PRKCA: variants seen among roughly 807,000 people sequenced by gnomAD.
The protein encoded by PRKCA is protein kinase C alpha type.
PRKCA carries 27 observed loss-of-function variants against 87.0 expected under a neutral mutation model. The observed-to-expected ratio is 0.31, with a 90% CI of 0.23 to 0.43. The LOEUF (loss-of-function observed/expected upper bound fraction) is 0.43, where lower values mean the gene tolerates loss of function less well. Ranked by LOEUF, PRKCA falls within the 20% of genes least tolerant of loss-of-function variation. The pLI, the probability that PRKCA is intolerant of heterozygous loss-of-function variation, is 1.00. For missense variants in PRKCA, 518 were observed against 852.3 expected (o/e 0.61, Z 4.88); for synonymous variants, 329 against 311.1 (o/e 1.06, Z -0.61).
chr17:66,508,898 C>T (rs1331379571), intron 3 of PRKCA, among the ~76,000 whole-genome samples: 1 of 152,040 alleles, frequency 6.6e-6, no homozygotes, highest in Non-Finnish European at 1.5e-5. Flanking sequence ...TTATCATCTT[C>T]CAAGGTTGGT....
intron 2 of PRKCA, among the ~76,000 whole-genome samples, chr17:66,491,025 G>C (rs1889066846): frequency 2.0e-5 from 3 of 152,198 alleles, no homozygotes; most frequent in Non-Finnish European, 4.4e-5. Flanking sequence ...TCACAAGATT[G>C]GGTGTTCTCA....
At chr17:66,745,552 G>T (rs1182827574) in intron 13 of PRKCA, among the ~76,000 whole-genome samples, 1 of 151,626 alleles carries the variant, frequency 6.6e-6, no homozygotes, top group Non-Finnish European at 1.5e-5. Flanking sequence ...GTGGTGGCAG[G>T]TGCCTGTAAT....
intron 8 of PRKCA, among the ~76,000 whole-genome samples, chr17:66,693,898 T>C (rs1668891827): frequency 6.6e-6 from 1 of 152,220 alleles, no homozygotes; most frequent in Admixed American, 6.5e-5. Flanking sequence ...GTTTGCCAAC[T>C]TCTGGTTTAG....
At chr17:66,409,410 A>G (rs1911641930) in intron 2 of PRKCA, among the ~76,000 whole-genome samples, 1 of 152,132 alleles carries the variant, frequency 6.6e-6, no homozygotes, top group African/African-American at 2.4e-5. Context: ...ATGAATTAGC[A>G]TTTATGATAG....
intron 3 of PRKCA, among the ~76,000 whole-genome samples, chr17:66,618,862 CCCTT>C (rs919174989): frequency 1.2e-4 from 18 of 150,860 alleles, no homozygotes; most frequent in Non-Finnish European, 2.2e-4. Flanking sequence ...CTCCCTCCCT[CCCTT>C]CCTTCCTTCC....
intron 14 of PRKCA, among the ~76,000 whole-genome samples, chr17:66,780,877 G>A (rs964844588): frequency 6.6e-6 from 1 of 152,004 alleles, no homozygotes; most frequent in East Asian, 1.9e-4. Context: ...AGAGGCCAAG[G>A]CGGGCAGATC....
chr17:66,749,684 T>C (rs1974386965), intron 13 of PRKCA, among the ~76,000 whole-genome samples: 1 of 152,346 alleles, frequency 6.6e-6, no homozygotes, highest in Middle Eastern at 3.4e-3. Context: ...CAGTGTGTAC[T>C]TGGCATGGGT....
At chr17:66,571,863 C>G (rs1212993925) in intron 3 of PRKCA, among the ~76,000 whole-genome samples, 3 of 152,118 alleles carry the variant, frequency 2.0e-5, no homozygotes, top group Admixed American at 6.5e-5. Context: ...AAATACGAAG[C>G]CTGTTGGATG....
Position 66,785,570 on chromosome 17 carries a change from T to C in PRKCA, c.1606-1297T>C, listed in dbSNP as rs76963569. ...CATTACGGAATTTCCCATGAACGCT[T>C]TCCTCCTGTGCCATCCCGCCAGAGT... On this transcript the variant is annotated intron_variant, in intron 14 of 16. Coordinates refer to ENST00000413366, the MANE Select transcript of PRKCA (RefSeq NM_002737.3). 5.4e-3 allele frequency among the ~76,000 whole-genome samples: 816 copies of C among 152,274 alleles called. 8 individuals carry two copies. The highest frequency in any genetic ancestry group is 0.019 in the African/African-American group (782 of 41,536).
chr17:66,728,167 A>G (rs968130430), intron 8 of PRKCA, among the ~76,000 whole-genome samples: 2 of 152,134 alleles, frequency 1.3e-5, no homozygotes, highest in Admixed American at 6.5e-5. Flanking sequence ...TGTAGTGGAA[A>G]CAGAAGTGCT....
intron 2 of PRKCA, among the ~76,000 whole-genome samples, chr17:66,432,203 G>A (rs975073837): frequency 3.7e-4 from 57 of 152,108 alleles, no homozygotes; most frequent in African/African-American, 1.4e-3. Flanking sequence ...CGTGAAGTTC[G>A]AGGCTGGTCA....
At chr17:66,336,671 A>C (rs933243530) in intron 2 of PRKCA, among the ~76,000 whole-genome samples, 6 of 138,992 alleles carry the variant, frequency 4.3e-5, no homozygotes, top group African/African-American at 2.0e-4. Flanking sequence ...CTATATAGTA[A>C]ATTATTAAAC....
At chr17:66,425,426 G>A (rs1235632463) in intron 2 of PRKCA, among the ~76,000 whole-genome samples, 2 of 151,996 alleles carry the variant, frequency 1.3e-5, no homozygotes, top group Admixed American at 6.6e-5. Context: ...CCTTCCCCAC[G>A]GTGCTGTGAT....
chr17:66,336,962 T>G (rs1906735727), intron 2 of PRKCA, among the ~76,000 whole-genome samples: 1 of 152,108 alleles, frequency 6.6e-6, no homozygotes, highest in South Asian at 2.1e-4. Flanking sequence ...CTAATTTTTT[T>G]GTACTTTTAG....
chr17:66,785,987 C>G (rs1975376741), intron 14 of PRKCA, among the ~76,000 whole-genome samples: 1 of 152,184 alleles, frequency 6.6e-6, no homozygotes, highest in African/African-American at 2.4e-5. Context: ...CGCCACCATG[C>G]CCGGCTAATT....
chr17:66,723,013 G>A (rs930279109), intron 8 of PRKCA, among the ~76,000 whole-genome samples: 1 of 152,188 alleles, frequency 6.6e-6, no homozygotes, highest in Non-Finnish European at 1.5e-5. Context: ...CAGGCTTTCC[G>A]GAAGTCAGGG....
chr17:66,594,133 C>G lies in PRKCA; in HGVS notation c.289-47222C>G, dbSNP rs576172089. Among the ~76,000 whole-genome samples, 368 of 152,286 alleles carry G rather than the reference C, an allele frequency of 2.4e-3. 1 individual carries two copies. Among genetic ancestry groups the G allele is most frequent in the Non-Finnish European group, 3.6e-3 (248 of 68,014 alleles). ...CCACATTGGTGGTTTCCCTGAAGGT[C>G]TGGTACAATGGAGGATTCCAAGCCT... On this transcript the variant is annotated intron_variant, in intron 3 of 16. Transcript: ENST00000413366.
intron 2 of PRKCA, among the ~76,000 whole-genome samples, chr17:66,456,441 A>G (rs1234089924): frequency 6.6e-6 from 1 of 152,178 alleles, no homozygotes; most frequent in Non-Finnish European, 1.5e-5. Context: ...CTTCCCATCC[A>G]AGGCTCTATA....
At chr17:66,507,294 A>C (rs889757966) in intron 3 of PRKCA, among the ~76,000 whole-genome samples, 6 of 152,166 alleles carry the variant, frequency 3.9e-5, no homozygotes, top group Non-Finnish European at 8.8e-5. Context: ...TTGAGGCTTG[A>C]GGTAGTTAAG....
Sources: allele counts gnomAD v4.1 joint callset (sites outside exome capture counted in the v4.1 genomes callset), GRCh38; gene constraint gnomAD v4.1.1; transcripts MANE v1.5; gene names NCBI Gene and HGNC (gene_info 2026-07-23, HGNC 2026-07-21).